Variants in XPO7 observed in about 807,000 individuals in gnomAD.
The protein encoded by XPO7 is exportin 7.
Under a neutral mutation model 144.3 loss-of-function variants are expected in XPO7, and 21 were observed. That is an observed-to-expected ratio of 0.15 (90% CI 0.10 to 0.21). The LOEUF is 0.21. Ranked by LOEUF, XPO7 falls within the 10% of genes least tolerant of loss-of-function variation. The pLI is 1.00. For missense variants in XPO7, 808 were observed against 1,325.8 expected, an observed-to-expected ratio of 0.61 and a Z score of 6.06; for synonymous variants, 580 against 499.6, an observed-to-expected ratio of 1.16 and a Z score of -2.15.
chr8:21,984,477 A>G (rs969721750), intron 11 of XPO7, among the ~76,000 whole-genome samples, 169 bp from the exon 12 acceptor site: 3 of 152,224 alleles, frequency 2.0e-5, no homozygotes, highest in Admixed American at 2.0e-4. Context: ...GGGCGAAGAC[A>G]TTGGCCTTCT....
intron 25 of XPO7, among the ~76,000 whole-genome samples, chr8:22,002,575 A>G (rs1204239421): frequency 6.6e-6 from 1 of 152,150 alleles, no homozygotes; most frequent in East Asian, 1.9e-4. Flanking sequence ...CTATAAATAG[A>G]GCAGGAGTTA....
chr8:21,965,138 T>G (rs893736476), intron 1 of XPO7, among the ~76,000 whole-genome samples: 5 of 152,074 alleles, frequency 3.3e-5, no homozygotes, highest in Non-Finnish European at 7.4e-5. Context: ...TAAATAATTT[T>G]TTTCTTTTTT....
chr8:21,979,387 T>C (rs891822042), intron 8 of XPO7, among the ~76,000 whole-genome samples: 1 of 146,262 alleles, frequency 6.8e-6, no homozygotes, highest in Admixed American at 6.9e-5. Flanking sequence ...TGCTTATTTC[T>C]TTTTTTTTTC....
In XPO7 at chr8:21,999,097, G is replaced by A. The variant is rs759733932; in HGVS notation, c.2435G>A (p.Arg812His). ...ATATGACATGTCTACTCAGGCAATCGCATCCTGACACTAGGAGAGGTCCCA... is the reference window on the plus strand; with the variant it reads ...ATATGACATGTCTACTCAGGCAATCACATCCTGACACTAGGAGAGGTCCCA... ...TSKMITMYGN[R>H]ILTLGEVPKD... is the part of the protein sequence containing the mutation. The change falls in exon 23 of 28, where the codon CGC becomes CAC. Residue 812 changes from arginine to histidine, a missense_variant. By Grantham distance (29) the Arg-to-His change is conservative (BLOSUM62 0). Transcript: ENST00000252512. The A allele has an allele frequency of 3.7e-6, 6 of 1,613,858 alleles. No homozygotes were observed. The South Asian group carries it at 5.5e-5, about 15-fold the overall frequency.
intron 1 of XPO7, among the ~76,000 whole-genome samples, chr8:21,961,932 G>T (rs1323719543): frequency 6.6e-6 from 1 of 152,200 alleles, no homozygotes; most frequent in Non-Finnish European, 1.5e-5. Flanking sequence ...CAAAGTGCTG[G>T]GATTACAGGC....
At position 22,002,254 on chromosome 8, in the gene XPO7, T is replaced by A. The variant is rs1813175026; in HGVS notation, c.2925T>A (p.His975Gln). Residue 975 changes from histidine (H) to glutamine (Q), a missense_variant, in exon 25 of 28, where the codon CAT becomes CAA. His to Gln is a conservative substitution (Grantham distance 24). Coordinates refer to ENST00000252512, the MANE Select transcript of XPO7 (RefSeq NM_015024.5). ...GCTTTCTGCACATCATGCAGCAGCA[T>A]CCAGAGATGATCCAGCAGGTAAGAA... ...SDRFLHIMQQ[H>Q]PEMIQQMLST... 6.2e-7 allele frequency: 1 copy of A among 1,612,908 alleles called. No homozygotes were observed. The highest frequency in any genetic ancestry group is 8.5e-7 in the Non-Finnish European group (1 of 1,179,488).
chr8:21,923,970 C>T (rs1437253545), intron 1 of XPO7, among the ~76,000 whole-genome samples: 1 of 152,138 alleles, frequency 6.6e-6, no homozygotes, highest in East Asian at 1.9e-4. Context: ...CTCACATTTT[C>T]TCAGGGTTAG....
chr8:21,987,200 T>A lies in XPO7; in HGVS notation c.1637T>A (p.Leu546Gln), dbSNP rs767265261. Residue 546 changes from leucine to glutamine, a missense_variant, in exon 14 of 28, where the codon CTA (leucine) becomes CAA (glutamine). Leu to Gln is a moderately radical substitution (Grantham distance 113). Transcript: ENST00000252512. ...SRLAQAGNEK[L>Q]ELAMLSFFEQ... ...TTGGCCCAGGCGGGTAATGAGAAGC[T>A]AGAGTTGGCCATGCTGAGCTTTTTT... is the stretch of plus-strand genomic sequence containing the variant. 1 of 1,614,038 alleles carries A rather than the reference T, an allele frequency of 6.2e-7. No individual in the cohort carries two copies. The highest frequency in any genetic ancestry group is 8.5e-7 in the Non-Finnish European group (1 of 1,179,898).
At chr8:21,922,031 G>A (rs1810305620) in intron 1 of XPO7, among the ~76,000 whole-genome samples, 1 of 152,172 alleles carries the variant, frequency 6.6e-6, no homozygotes, top group African/African-American at 2.4e-5. Flanking sequence ...TGCATTGAGG[G>A]GAGGGTGGCG....
chr8:21,988,831 A>C (rs1390027875), intron 15 of XPO7, 172 bp from the exon 16 acceptor site: 2 of 610,034 alleles, frequency 3.3e-6, no homozygotes, highest in African/African-American at 3.7e-5. Context: ...TAGTCAACCA[A>C]ATGTAAGTAC....
At chr8:21,932,079 G>T (rs1355114508) in intron 1 of XPO7, among the ~76,000 whole-genome samples, 1 of 152,016 alleles carries the variant, frequency 6.6e-6, no homozygotes, top group East Asian at 1.9e-4. Context: ...TCACCGTGTT[G>T]GCCAGGCTGG....
At chr8:21,953,532 A>G (rs1811438941) in intron 1 of XPO7, among the ~76,000 whole-genome samples, 1 of 152,250 alleles carries the variant, frequency 6.6e-6, no homozygotes, top group Non-Finnish European at 1.5e-5. Context: ...TTGGGTAAAT[A>G]CCAAGGAGCG....
intron 16 of XPO7, among the ~76,000 whole-genome samples, chr8:21,989,458 A>G (rs972992019): frequency 6.6e-6 from 1 of 152,178 alleles, no homozygotes; most frequent in African/African-American, 2.4e-5. Flanking sequence ...TCCTGATTCC[A>G]AGCTTTGTGA....
At chr8:21,935,910 T>C (rs1810806774) in intron 1 of XPO7, among the ~76,000 whole-genome samples, 1 of 152,322 alleles carries the variant, frequency 6.6e-6, no homozygotes, top group Admixed American at 6.5e-5. Flanking sequence ...CCTCATTTTT[T>C]GGTAGTTGCC....
intron 9 of XPO7, 130 bp from the exon 10 acceptor site, chr8:21,981,601 A>G: frequency 1.8e-6 from 2 of 1,138,546 alleles, no homozygotes; most frequent in South Asian, 1.6e-5. Flanking sequence ...ATCATTCTGA[A>G]TCATGACCTG....
Position 21,994,380 on chromosome 8 carries a change from A to G in XPO7, c.2166A>G (p.Leu722=), listed in dbSNP as rs756295401. ...TACTACAGCGAACTCTAGTTGGCCTAGTAAGAGACCTGAGAGGGATCGCTT... is the reference window on the plus strand; with the variant it reads ...TACTACAGCGAACTCTAGTTGGCCTGGTAAGAGACCTGAGAGGGATCGCTT... The part of the protein sequence containing the change: ...EQEAKRTLVG[L]VRDLRGIAFA... The change falls in exon 20 of 28, where the codon CTA becomes CTG. Residue 722 remains leucine, a synonymous_variant. Transcript: ENST00000252512. The G allele has an allele frequency of 1.9e-6, 3 of 1,612,384 alleles. No homozygotes were observed. In the South Asian group the frequency reaches 3.3e-5, roughly 18 times the overall value.
At chr8:21,928,794 G>A (rs1446561086) in intron 1 of XPO7, among the ~76,000 whole-genome samples, 1 of 152,194 alleles carries the variant, frequency 6.6e-6, no homozygotes, top group African/African-American at 2.4e-5. Context: ...CATGTTGCAT[G>A]ATAATTATAT....
intron 1 of XPO7, among the ~76,000 whole-genome samples, chr8:21,960,469 C>G (rs919728205): frequency 6.6e-6 from 1 of 152,204 alleles, no homozygotes; most frequent in Non-Finnish European, 1.5e-5. Flanking sequence ...TACATTCTGG[C>G]TATTTACTTC....
intron 1 of XPO7, among the ~76,000 whole-genome samples, chr8:21,959,643 T>TAA (rs545028402): frequency 5.3e-5 from 8 of 149,770 alleles, no homozygotes; most frequent in African/African-American, 2.0e-4. Context: ...ATTCTCACTT[T>TAA]AAAAAAAAAA....
Sources: gnomAD v4.1 joint callset for allele counts (sites outside exome capture counted in the v4.1 genomes callset) on GRCh38, gnomAD v4.1.1 for gene constraint, MANE v1.5 for transcripts, NCBI Gene and HGNC (gene_info 2026-07-23, HGNC 2026-07-21) for gene names.